Variants in FARS2 observed in about 807,000 individuals in gnomAD.
FARS2 encodes the protein phenylalanine--tRNA ligase, mitochondrial.
Under a neutral mutation model 46.4 loss-of-function variants are expected in FARS2, and 40 were observed. That is an observed-to-expected ratio of 0.86 (90% CI 0.67 to 1.12). FARS2 has a LOEUF of 1.12. FARS2 is among the 50% of genes most tolerant of loss of function. The probability of loss-of-function intolerance (pLI) is 0.00; values close to 1 mark genes in which losing one functional copy is unlikely to be tolerated. For synonymous variants in FARS2, 234 were observed against 214.9 expected (o/e 1.09, Z -0.78); for missense variants, 513 against 567.9 (o/e 0.90, Z 0.98).
At chr6:5,466,678 C>G in intron 4 of FARS2, 1 of 985,394 alleles carries the variant, frequency 1.0e-6, no homozygotes, top group Middle Eastern at 5.2e-4. Flanking sequence ...CAGTGATTTT[C>G]AAACCTGGGG....
At chr6:5,521,046 G>C (rs115233476) in intron 4 of FARS2, among the ~76,000 whole-genome samples, 5,586 of 152,030 alleles carry the variant, frequency 0.037, 139 homozygotes, top group Middle Eastern at 0.085. Context: ...GATGAGCTCT[G>C]GTTCTTAGAA....
intron 1 of FARS2, among the ~76,000 whole-genome samples, chr6:5,296,894 G>C (rs1434412609): frequency 6.6e-6 from 1 of 152,194 alleles, no homozygotes; most frequent in Non-Finnish European, 1.5e-5. Context: ...TGAGTGTACA[G>C]ATATCTTTTC....
At chr6:5,691,996 G>C (rs1757765010) in intron 6 of FARS2, among the ~76,000 whole-genome samples, 1 of 152,328 alleles carries the variant, frequency 6.6e-6, no homozygotes, top group South Asian at 2.1e-4. Context: ...CCAGGCGCGG[G>C]ATATAATCTC....
At chr6:5,713,477 C>T (rs1456414198) in intron 6 of FARS2, among the ~76,000 whole-genome samples, 1 of 152,178 alleles carries the variant, frequency 6.6e-6, no homozygotes, top group Non-Finnish European at 1.5e-5. Flanking sequence ...GCTCACCTTA[C>T]AAAAGGAATA....
intron 6 of FARS2, among the ~76,000 whole-genome samples, chr6:5,699,715 G>T (rs544922311): frequency 7.2e-5 from 11 of 152,254 alleles, no homozygotes; most frequent in Non-Finnish European, 1.0e-4. Flanking sequence ...CACCATGCTG[G>T]CCAGGCTGGT....
intron 2 of FARS2, among the ~76,000 whole-genome samples, chr6:5,376,929 T>C (rs1759417934): frequency 6.6e-6 from 1 of 152,240 alleles, no homozygotes; most frequent in Non-Finnish European, 1.5e-5. Flanking sequence ...CGTGATTATT[T>C]ATGATGTGGA....
chr6:5,707,905 G>A (rs1308588426), intron 6 of FARS2, among the ~76,000 whole-genome samples: 11 of 152,242 alleles, frequency 7.2e-5, no homozygotes, highest in African/African-American at 2.4e-4. Flanking sequence ...GGGTGCCGCC[G>A]TGGGAGCCCG....
chr6:5,624,106 G>A (rs569801057), intron 6 of FARS2, among the ~76,000 whole-genome samples: 62 of 150,292 alleles, frequency 4.1e-4, no homozygotes, highest in African/African-American at 1.4e-3. Flanking sequence ...TTATTGTAAT[G>A]CTGGTGATGT....
chr6:5,683,603 T>C (rs1779142850), intron 6 of FARS2, among the ~76,000 whole-genome samples: 1 of 151,834 alleles, frequency 6.6e-6, no homozygotes, highest in South Asian at 2.1e-4. Flanking sequence ...TTTTGTTTTT[T>C]TCTTTTTTTT....
chr6:5,740,748 G>A (rs185659308), intron 6 of FARS2, among the ~76,000 whole-genome samples: 41 of 152,230 alleles, frequency 2.7e-4, no homozygotes, highest in South Asian at 8.3e-4. Flanking sequence ...TGAAGGCAGG[G>A]AAACAACTCG....
Position 5,739,323 on chromosome 6 carries a change from C to T in FARS2, c.1218-31968C>T, listed in dbSNP as rs371338935. ...CTAGCTTGGGCAACATAGTGAGACC[C>T]CCGTCTCTAAAAAAAAAAAAAATTG... On this transcript the variant is annotated intron_variant, in intron 6 of 6. Transcript: ENST00000274680. Among the ~76,000 whole-genome samples, 49 of 112,926 alleles carry T rather than the reference C, an allele frequency of 4.3e-4. No homozygotes were observed. The East Asian group carries it at 0.01, about 24-fold the overall frequency. 74.1% of individuals were successfully genotyped at this position (112,926 alleles called of 152,430 possible). A position where few individuals can be genotyped will look rare whatever the true frequency, so the allele number is the denominator to read the frequency against.
intron 1 of FARS2, among the ~76,000 whole-genome samples, chr6:5,340,605 T>A (rs1453228431): frequency 6.6e-6 from 1 of 152,184 alleles, no homozygotes; most frequent in Non-Finnish European, 1.5e-5. Flanking sequence ...ATATTAGGAA[T>A]GTTAGAGCAT....
At chr6:5,688,942 G>A (rs1278686738) in intron 6 of FARS2, among the ~76,000 whole-genome samples, 3 of 152,202 alleles carry the variant, frequency 2.0e-5, no homozygotes, top group African/African-American at 4.8e-5. Context: ...GGGTGTATGT[G>A]TCGAGGAATT....
chr6:5,310,350 C>CT (rs1769000850), intron 1 of FARS2, among the ~76,000 whole-genome samples: 1 of 151,070 alleles, frequency 6.6e-6, no homozygotes, highest in African/African-American at 2.4e-5. Context: ...AGGCAAAAAC[C>CT]TCAAAGGTCA....
intron 6 of FARS2, among the ~76,000 whole-genome samples, chr6:5,683,666 A>G (rs1365837032): frequency 6.6e-6 from 1 of 151,370 alleles, no homozygotes; most frequent in African/African-American, 2.4e-5. Context: ...AGTTATTTAC[A>G]TAGGTATACA....
In FARS2 at chr6:5,432,328, A is replaced by ATG. The variant is rs1562036380; in HGVS notation, c.904+1157_904+1158insGT. On this transcript the variant is annotated intron_variant, in intron 4 of 6. Transcript: ENST00000274680. ...ACACTCAGTCTTAAAAAAAAAAAAA[A>ATG]TATATATATATATATATATATATTA... 1.5e-3 allele frequency among the ~76,000 whole-genome samples: 49 copies of ATG among 32,702 alleles called. 1 individual carries two copies. In the Middle Eastern group the frequency reaches 0.029, roughly 20 times the overall value. The allele number at this position is 32,702 out of a possible 152,430, so 21.5% of individuals were successfully genotyped here.
At chr6:5,467,728 T>TCTC (rs1244959626) in intron 4 of FARS2, among the ~76,000 whole-genome samples, 2 of 152,180 alleles carry the variant, frequency 1.3e-5, no homozygotes, top group African/African-American at 2.4e-5. Flanking sequence ...TTATTCTTCT[T>TCTC]CTCTGGACCT....
At chr6:5,405,477 G>GTTTTTTTTTTTTTTTTTTTT (rs1554181324) in intron 3 of FARS2, among the ~76,000 whole-genome samples, 1 of 93,170 alleles carries the variant, frequency 1.1e-5, no homozygotes. Context: ...GTGGAGCAAG[G>GTTTTTTTTTTTTTTTTTTTT]TTCTTTTTTT....
At chr6:5,346,429 C>T (rs1245099161) in intron 1 of FARS2, among the ~76,000 whole-genome samples, 3 of 152,126 alleles carry the variant, frequency 2.0e-5, no homozygotes, top group Non-Finnish European at 4.4e-5. Flanking sequence ...CTGTGGTTTC[C>T]TCAGGGACTG....
Sources: allele counts gnomAD v4.1 joint callset (sites outside exome capture counted in the v4.1 genomes callset), GRCh38; gene constraint gnomAD v4.1.1; transcripts MANE v1.5; gene names NCBI Gene and HGNC (gene_info 2026-07-23, HGNC 2026-07-21).